FLRT1: variants seen among roughly 807,000 people sequenced by gnomAD.
FLRT1 encodes leucine-rich repeat transmembrane protein FLRT1.
A neutral mutation model predicts 30.9 loss-of-function variants in FLRT1; 14 were observed. That is an observed-to-expected ratio of 0.45 (90% CI 0.30 to 0.71). FLRT1 has a LOEUF of 0.71. FLRT1 is among the 30% of genes least tolerant of loss of function. The pLI is 0.08. For synonymous variants in FLRT1, 368 were observed against 430.4 expected (o/e 0.85, Z 1.80); for missense variants, 737 against 949.2 (o/e 0.78, Z 2.94).
intron 1 of FLRT1, among the ~76,000 whole-genome samples, chr11:64,088,279 G>A (rs1590890115): frequency 6.6e-6 from 1 of 152,332 alleles, no homozygotes; most frequent in South Asian, 2.1e-4. Context: ...CCGTAGCCAG[G>A]AGATGGGGGG....
In FLRT1 at chr11:64,096,277, G is replaced by A. The variant is rs1944574477; in HGVS notation, c.-1037-6917G>A. 6.6e-6 allele frequency among the ~76,000 whole-genome samples: 1 copy of A among 152,218 alleles called. No homozygotes were observed. The highest frequency in any genetic ancestry group is 2.4e-5 in the African/African-American group (1 of 41,460). ...GCAGGCCAATTTCCTGAAAGAAGAG[G>A]TTCCGGCCTTGGCTGGTGGCGCCAG... On this transcript the variant is annotated intron_variant, in intron 1 of 2. Coordinates refer to ENST00000682287, the MANE Select transcript of FLRT1 (RefSeq NM_013280.5). The surrounding 1 kb of genome is among the most constrained non-coding windows in gnomAD (Gnocchi z 4.6).
chr11:64,069,945 C>T (rs577423077), intron 1 of FLRT1, among the ~76,000 whole-genome samples: 4 of 152,200 alleles, frequency 2.6e-5, no homozygotes, highest in South Asian at 2.1e-4. Context: ...GCCCGACTCG[C>T]GCCCAGTGGG....
intron 1 of FLRT1, among the ~76,000 whole-genome samples, chr11:64,095,475 A>G (rs912516258): frequency 5.3e-5 from 8 of 152,178 alleles, no homozygotes; most frequent in Non-Finnish European, 8.8e-5. Flanking sequence ...CCCTTGGCAC[A>G]GGCTCTTGCT....
At position 64,096,064 on chromosome 11, in the gene FLRT1, G is replaced by A. The variant is rs527611817; in HGVS notation, c.-1037-7130G>A. Among the ~76,000 whole-genome samples the A allele has an allele frequency of 1.3e-5, 2 of 152,360 alleles. No individual in the cohort carries two copies. Among genetic ancestry groups the A allele is most frequent in the Admixed American group, 6.5e-5 (1 of 15,310 alleles). The stretch of plus-strand genomic sequence containing the variant: ...CAAACTGCCACTTGAGAGCTCCAGC[G>A]TGGGGACAGCGTGGGGCCCACTTCA... On this transcript the variant is annotated intron_variant, in intron 1 of 2. Coordinates refer to ENST00000682287, the MANE Select transcript of FLRT1 (RefSeq NM_013280.5). This position sits in a 1 kb window ranked among gnomAD's most constrained non-coding sequence, Gnocchi z 4.6.
intron 1 of FLRT1, among the ~76,000 whole-genome samples, chr11:64,056,050 C>T (rs1344609968): frequency 6.6e-6 from 1 of 152,184 alleles, no homozygotes; most frequent in Non-Finnish European, 1.5e-5. Flanking sequence ...TCCCTGTGGG[C>T]CAGGGTTGGC....
intron 1 of FLRT1, among the ~76,000 whole-genome samples, chr11:64,073,651 C>T (rs12420892): frequency 0.3 from 45,795 of 152,134 alleles, 8,531 homozygotes; most frequent in Non-Finnish European, 0.41. Context: ...ACGTCTGGGC[C>T]GGGAGCCTGT....
intron 1 of FLRT1, among the ~76,000 whole-genome samples, chr11:64,093,793 G>T (rs1590898076): frequency 6.6e-6 from 1 of 152,182 alleles, no homozygotes; most frequent in East Asian, 1.9e-4. Context: ...AGTCTGGCCT[G>T]GCCAGGGTGG....
rs529398138 is a variant in FLRT1, at chr11:64,065,605, C to T, written c.-1038+29446C>T. On this transcript the variant is annotated intron_variant, in intron 1 of 2. Transcript: ENST00000682287. ...GAGATCAAGACCATCCTGGCTAACA[C>T]GGTGAAACCCAGTCTCTACTAAAAA... 1.9e-3 allele frequency among the ~76,000 whole-genome samples: 269 copies of T among 139,194 alleles called. 3 individuals carry two copies. Among genetic ancestry groups the T allele is most frequent in the African/African-American group, 4.7e-3 (190 of 40,674 alleles). 91.3% of individuals were successfully genotyped at this position (139,194 alleles called of 152,430 possible). A position where few individuals can be genotyped will look rare whatever the true frequency, so the allele number is the denominator to read the frequency against.
chr11:64,080,849 G>A (rs1454699149), intron 1 of FLRT1, among the ~76,000 whole-genome samples: 1 of 152,120 alleles, frequency 6.6e-6, no homozygotes, highest in Non-Finnish European at 1.5e-5. Context: ...GAGGGAAGAG[G>A]CACCCTGAGC....
intron 1 of FLRT1, among the ~76,000 whole-genome samples, chr11:64,051,231 C>T (rs1206813840): frequency 6.6e-6 from 1 of 152,254 alleles, no homozygotes; most frequent in Non-Finnish European, 1.5e-5. Context: ...ATGATGTGGG[C>T]AGCAGCCTTA....
At chr11:64,076,447 T>TGGACGGATGGATGGAC (rs1818948899) in intron 1 of FLRT1, among the ~76,000 whole-genome samples, 1 of 150,060 alleles carries the variant, frequency 6.7e-6, no homozygotes, top group African/African-American at 2.5e-5. Flanking sequence ...GATGGATGGA[T>TGGACGGATGGATGGAC]GGACGGATGG....
In FLRT1 at chr11:64,082,556, G is replaced by A. The variant is rs114942309; in HGVS notation, c.-1037-20638G>A. Reference sequence around the variant, plus strand: ...GTGGCCGTGGGAGTCAGAGCTCCAGGCGGAAGTAGGGTTCAGATTCAGGTG... The same window carrying A: ...GTGGCCGTGGGAGTCAGAGCTCCAGACGGAAGTAGGGTTCAGATTCAGGTG... On this transcript the variant is annotated intron_variant, in intron 1 of 2. Coordinates refer to ENST00000682287, the MANE Select transcript of FLRT1 (RefSeq NM_013280.5). The surrounding 1 kb of genome is among the most constrained non-coding windows in gnomAD (Gnocchi z 4.5). 1.1e-3 allele frequency among the ~76,000 whole-genome samples: 169 copies of A among 152,242 alleles called. 1 individual carries two copies. The highest frequency in any genetic ancestry group is 4.0e-3 in the African/African-American group (165 of 41,542).
intron 2 of FLRT1, among the ~76,000 whole-genome samples, chr11:64,115,085 A>G (rs1315185537): frequency 1.3e-5 from 2 of 152,172 alleles, no homozygotes; most frequent in Admixed American, 1.3e-4. Flanking sequence ...CTGGGACTTC[A>G]GGTTCCGAGA....
chr11:64,114,266 G>GGATA, intron 2 of FLRT1, among the ~76,000 whole-genome samples: 2 of 151,102 alleles, frequency 1.3e-5, no homozygotes, highest in Non-Finnish European at 3.0e-5. Flanking sequence ...GTGGATGGAT[G>GGATA]GATGGATGGA....
At chr11:64,072,104 T>C (rs971192428) in intron 1 of FLRT1, among the ~76,000 whole-genome samples, 1 of 152,196 alleles carries the variant, frequency 6.6e-6, no homozygotes, top group African/African-American at 2.4e-5. Flanking sequence ...GCTGAACTCA[T>C]AACCGCTGGG....
intron 2 of FLRT1, among the ~76,000 whole-genome samples, chr11:64,109,699 C>T (rs1363340802): frequency 6.6e-5 from 10 of 152,136 alleles, no homozygotes; most frequent in African/African-American, 2.2e-4. Flanking sequence ...TGCGGCCCCA[C>T]AGGAGGGGAT....
intron 1 of FLRT1, among the ~76,000 whole-genome samples, chr11:64,043,600 G>A (rs1208705952): frequency 1.3e-5 from 2 of 152,176 alleles, no homozygotes; most frequent in East Asian, 1.9e-4. Flanking sequence ...AAAGCATGGG[G>A]CTCAAATGTC....
At chr11:64,088,368 G>A (rs187165882) in intron 1 of FLRT1, among the ~76,000 whole-genome samples, 13 of 152,286 alleles carry the variant, frequency 8.5e-5, no homozygotes, top group South Asian at 2.1e-4. Flanking sequence ...GGCCTTGGGC[G>A]TGACTGTCTG....
At chr11:64,051,902 G>A (rs1477748364) in intron 1 of FLRT1, among the ~76,000 whole-genome samples, 7 of 152,010 alleles carry the variant, frequency 4.6e-5, no homozygotes, top group Admixed American at 4.6e-4. Flanking sequence ...CTCTCTCGGG[G>A]GCTGCAAGAG....
Sources: allele counts gnomAD v4.1 joint callset (sites outside exome capture counted in the v4.1 genomes callset), GRCh38; gene constraint gnomAD v4.1.1; non-coding constraint Gnocchi (gnomAD v3.1); transcripts MANE v1.5; gene names NCBI Gene and HGNC (gene_info 2026-07-23, HGNC 2026-07-21).